The following SIPA1L3 variants were observed in gnomAD, a reference collection of about 807,000 sequenced individuals.
SIPA1L3 encodes signal induced proliferation associated 1 like 3.
A neutral mutation model predicts 150.1 loss-of-function variants in SIPA1L3; 59 were observed. That is an observed-to-expected ratio of 0.39 (90% CI 0.32 to 0.49). The LOEUF (loss-of-function observed/expected upper bound fraction) is 0.49. SIPA1L3 is among the 20% of genes least tolerant of loss of function. The pLI is 0.86. For missense variants in SIPA1L3, 2,211 were observed against 2,489.5 expected (o/e 0.89, Z 2.38); for synonymous variants, 1,070 against 1,077.6 (o/e 0.99, Z 0.14).
chr19:38,110,338 A>T lies in SIPA1L3; in HGVS notation c.2245A>T (p.Ile749Phe), dbSNP rs758098531. 4 of 1,613,932 alleles carry T rather than the reference A, an allele frequency of 2.5e-6. No homozygotes were observed. In the South Asian group the frequency reaches 3.3e-5, roughly 13 times the overall value. Reference protein sequence around the residue: ...NIRSHFQHVFIIVRVHNPCTD... With the variant: ...NIRSHFQHVFFIVRVHNPCTD... The stretch of plus-strand genomic sequence containing the variant: ...CCGCTCCCACTTCCAGCACGTCTTC[A>T]TCATTGTCCGAGTCCACAACCCCTG... Residue 749 changes from isoleucine (I) to phenylalanine (F), a missense_variant, in exon 8 of 22, where the codon ATC becomes TTC. By Grantham distance (21) the Ile-to-Phe change is conservative. This residue lies in a region of SIPA1L3 where 625 missense variants were observed against 804.2 expected (regional missense o/e 0.78). Transcript: ENST00000222345.
At chr19:38,118,674 C>T (rs1970944396) in intron 8 of SIPA1L3, among the ~76,000 whole-genome samples, 1 of 151,808 alleles carries the variant, frequency 6.6e-6, no homozygotes. Context: ...GCTGGGACTA[C>T]AGGCACCCAC....
chr19:38,151,280 T>G (rs1971817052), intron 12 of SIPA1L3, among the ~76,000 whole-genome samples: 1 of 152,236 alleles, frequency 6.6e-6, no homozygotes, highest in Non-Finnish European at 1.5e-5. Context: ...TCTCCGTGGC[T>G]TAAATCAGCA....
chr19:38,020,800 T>G (rs1028710345), intron 1 of SIPA1L3, among the ~76,000 whole-genome samples: 7 of 150,568 alleles, frequency 4.6e-5, no homozygotes, highest in Admixed American at 3.3e-4. Context: ...CATCTCTGAG[T>G]TTTTTTTGTT....
At chr19:38,093,285 G>C (rs1465194294) in intron 4 of SIPA1L3, among the ~76,000 whole-genome samples, 1 of 152,192 alleles carries the variant, frequency 6.6e-6, no homozygotes, top group Non-Finnish European at 1.5e-5. Context: ...CAGGCAGAGC[G>C]AACAGCCAGT....
chr19:38,115,128 C>T (rs550216196), intron 8 of SIPA1L3, among the ~76,000 whole-genome samples: 1 of 152,182 alleles, frequency 6.6e-6, no homozygotes, highest in Non-Finnish European at 1.5e-5. Context: ...TTATCCACCC[C>T]CAAGCCTTGA....
chr19:38,074,769 G>T (rs780549778), intron 2 of SIPA1L3, among the ~76,000 whole-genome samples: 1 of 152,190 alleles, frequency 6.6e-6, no homozygotes, highest in African/African-American at 2.4e-5. Flanking sequence ...TGTTGTTGTT[G>T]TTGTTTGATT....
chr19:38,130,603 G>A lies in SIPA1L3; in HGVS notation c.2974G>A (p.Asp992Asn). Residue 992 changes from aspartate to asparagine, a missense_variant, in exon 10 of 22, where the codon GAC (aspartate) becomes AAC (asparagine). Physicochemically the swap from Asp to Asn is conservative, Grantham distance 23 (BLOSUM62 1). Coordinates refer to ENST00000222345, the MANE Select transcript of SIPA1L3 (RefSeq NM_015073.3). ...KYDGTVAEVE[D>N]YGFAWQAGLR... ...CGACGGCACGGTGGCCGAGGTTGAG[G>A]ACTATGGGTTCGCCTGGCAGGCCGG... 1 of 1,613,788 alleles carries A rather than the reference G, an allele frequency of 6.2e-7. No homozygotes were observed.
At chr19:38,161,446 C>T (rs1223686219) in intron 13 of SIPA1L3, among the ~76,000 whole-genome samples, 4 of 151,744 alleles carry the variant, frequency 2.6e-5, no homozygotes, top group Non-Finnish European at 4.4e-5. Context: ...TAGTTTGGGC[C>T]GGGTGCGGTA....
chr19:38,117,396 G>A (rs1037110034), intron 8 of SIPA1L3, among the ~76,000 whole-genome samples: 2 of 152,090 alleles, frequency 1.3e-5, no homozygotes, highest in African/African-American at 4.8e-5. Flanking sequence ...AGGGTGGGTA[G>A]ATCACTTGAG....
chr19:37,988,086 A>C (rs1967407231), intron 1 of SIPA1L3, among the ~76,000 whole-genome samples: 1 of 152,066 alleles, frequency 6.6e-6, no homozygotes, highest in East Asian at 1.9e-4. Context: ...GCAGTCTCTC[A>C]TTATCCTGCT....
intron 16 of SIPA1L3, among the ~76,000 whole-genome samples, chr19:38,187,306 G>A (rs1207907887): frequency 6.6e-6 from 1 of 151,474 alleles, no homozygotes; most frequent in Non-Finnish European, 1.5e-5. Context: ...ACAAAAATTA[G>A]CCAGGTGTGG....
Position 38,110,074 on chromosome 19 carries a change from A to T in SIPA1L3, c.2134-153A>T, listed in dbSNP as rs1970703430. ...ATCCTGAATGAGAGGGAACCACAGG[A>T]AGGTTTGTCACCTGACTCGGGCATT... On this transcript the variant is annotated intron_variant, in intron 7 of 21. Transcript: ENST00000222345. The T allele has an allele frequency of 5.6e-6, 4 of 711,108 alleles. No individual in the cohort carries two copies. The Admixed American group carries it at 9.0e-5, about 16-fold the overall frequency. 44.0% of individuals were successfully genotyped at this position (711,108 alleles called of 1,614,324 possible).
At chr19:37,973,553 A>AGGGG (rs1568484946) in intron 1 of SIPA1L3, among the ~76,000 whole-genome samples, 1 of 80,378 alleles carries the variant, frequency 1.2e-5, no homozygotes, top group African/African-American at 6.9e-5. Context: ...AAAAAAAAAA[A>AGGGG]AGCGGGAGGG....
chr19:37,924,671 C>G (rs2046486391), intron 1 of SIPA1L3, among the ~76,000 whole-genome samples: 1 of 141,218 alleles, frequency 7.1e-6, no homozygotes, highest in East Asian at 2.0e-4. Flanking sequence ...GGGCTAGACT[C>G]TATCTCAAAA....
intron 1 of SIPA1L3, among the ~76,000 whole-genome samples, chr19:37,931,207 T>C (rs2046550766): frequency 6.6e-6 from 1 of 152,208 alleles, no homozygotes. Context: ...ACAAGCATAG[T>C]GCTCACCATA....
At chr19:38,130,139 CTT>C (rs1231809791) in intron 9 of SIPA1L3, among the ~76,000 whole-genome samples, 2 of 152,204 alleles carry the variant, frequency 1.3e-5, no homozygotes, top group Non-Finnish European at 2.9e-5. Context: ...ACTCGCAACT[CTT>C]TGGCCAAAAC....
At chr19:38,078,540 GCA>G (rs370315308) in intron 2 of SIPA1L3, among the ~76,000 whole-genome samples, 363 of 125,886 alleles carry the variant, frequency 2.9e-3, no homozygotes, top group Non-Finnish European at 4.8e-3. Flanking sequence ...ACACAGACAC[GCA>G]CACACACAGA....
At chr19:37,972,010 C>T (rs558569437) in intron 1 of SIPA1L3, among the ~76,000 whole-genome samples, 115 of 152,258 alleles carry the variant, frequency 7.6e-4, no homozygotes, top group African/African-American at 2.5e-3. Flanking sequence ...GTTGTTTCCA[C>T]GTTTTAGCTA....
intron 2 of SIPA1L3, among the ~76,000 whole-genome samples, chr19:38,074,412 C>T (rs1350904924): frequency 1.3e-5 from 2 of 152,214 alleles, no homozygotes; most frequent in Non-Finnish European, 1.5e-5. Context: ...TTTTCCCAAC[C>T]CAGCCTTAAG....
Sources: gnomAD v4.1 joint callset for allele counts (sites outside exome capture counted in the v4.1 genomes callset) on GRCh38, gnomAD v4.1.1 for gene constraint, gnomAD v4.1.1 regional missense constraint, MANE v1.5 for transcripts, NCBI Gene and HGNC (gene_info 2026-07-23, HGNC 2026-07-21) for gene names.